The following MT1M variants were observed in gnomAD, a reference collection of about 807,000 sequenced individuals.
The protein encoded by MT1M is metallothionein 1M.
Under a neutral mutation model 8.5 loss-of-function variants are expected in MT1M, and 11 were observed. That is an observed-to-expected ratio of 1.29 (90% CI 0.81 to 2.14). The LOEUF (loss-of-function observed/expected upper bound fraction) is 2.14. Ranked by LOEUF, MT1M falls within the 30% of genes most tolerant of loss-of-function variation. MT1M has a pLI of 0.00. For missense variants in MT1M, 84 were observed against 76.6 expected (o/e 1.10, Z -0.36); for synonymous variants, 28 against 30.0 (o/e 0.93, Z 0.22).
Position 56,633,415 on chromosome 16 carries a change from G to A in MT1M, c.94+10G>A. The stretch of plus-strand genomic sequence containing the variant: ...ACCTCCTGCAAGAAGAGTGAGTGCG[G>A]GGCCATCTCCAGGAATCTGGGGCTG... On this transcript the variant is annotated intron_variant, in intron 2 of 2. Coordinates refer to ENST00000379818, the MANE Select transcript of MT1M (RefSeq NM_176870.3). 3.7e-6 allele frequency: 6 copies of A among 1,614,258 alleles called. No individual in the cohort carries two copies. In the Middle Eastern group the frequency reaches 8.3e-4, roughly 222 times the overall value.
At position 56,633,720 on chromosome 16, in the gene MT1M, A is replaced by T. The variant is rs764990172; in HGVS notation, c.95-31A>T. 1.5e-5 allele frequency: 25 copies of T among 1,613,148 alleles called. No homozygotes were observed. The East Asian group carries it at 4.7e-4, about 30-fold the overall frequency. Reference sequence around the variant, plus strand: ...GGCAGGGCGGTGCCCGGTCAAGTCTACTGCTACCTCTCTCTCCCCTTCTTC... The same window carrying T: ...GGCAGGGCGGTGCCCGGTCAAGTCTTCTGCTACCTCTCTCTCCCCTTCTTC... On this transcript the variant is annotated intron_variant, in intron 2 of 2. Transcript: ENST00000379818.
rs149021330 is a variant in MT1M at position 56,633,362 on chromosome 16, C to T, written c.51C>T (p.Gly17=). 1 of 1,614,218 alleles carries T rather than the reference C, an allele frequency of 6.2e-7. No individual in the cohort carries two copies. Among genetic ancestry groups the T allele is most frequent in the East Asian group, 2.2e-5 (1 of 44,876 alleles). ...CTTGVSCACT[G]SCTCKECKCT... is the part of the protein sequence containing the mutation. ...CAGGTGTCTCCTGCGCCTGCACCGG[C>T]TCCTGCACGTGCAAAGAGTGCAAAT... Residue 17 remains glycine (G), a synonymous_variant, in exon 2 of 3, where the codon GGC becomes GGT. Transcript: ENST00000379818.
chr16:56,633,046 G>C (rs1960309745), intron 1 of MT1M, among the ~76,000 whole-genome samples: 1 of 152,224 alleles, frequency 6.6e-6, no homozygotes, highest in Non-Finnish European at 1.5e-5. Context: ...TGAGCAATCA[G>C]GGTGGACTGG....
rs1479120412 is a variant in MT1M, at chr16:56,633,804, T to C, written c.148T>C (p.Cys50Arg). Residue 50 changes from cysteine (C) to arginine (R), a missense_variant, in exon 3 of 3, where the codon TGC becomes CGC. Transcript: ENST00000379818. ...TGCCAAGTGTGCCCACGGCTGTGTC[T>C]GCAAAGGGACGTTGGAGAACTGCAG... ...GCAKCAHGCV[C>R]KGTLENCSCC... The C allele has an allele frequency of 6.2e-7, 1 of 1,614,212 alleles. No homozygotes were observed.
chr16:56,632,672 G>C lies in MT1M; in HGVS notation c.-60G>C. The C allele has an allele frequency of 6.2e-7, 1 of 1,608,952 alleles. No homozygotes were observed. ...CTGTGGCGCTCCACCACGCCGTCCG[G>C]GTGGGCCTAGCAGTCGCTCCATTTA... is the stretch of plus-strand genomic sequence containing the variant. On this transcript the variant is annotated 5_prime_UTR_variant, in exon 1 of 3. Transcript: ENST00000379818.
Position 56,632,688 on chromosome 16 carries a change from G to C in MT1M, c.-44G>C. 6.2e-7 allele frequency: 1 copy of C among 1,612,208 alleles called. No individual in the cohort carries two copies. The highest frequency in any genetic ancestry group is 8.5e-7 in the Non-Finnish European group (1 of 1,179,620). On this transcript the variant is annotated 5_prime_UTR_variant, in exon 1 of 3. Transcript: ENST00000379818. Reference sequence around the variant, plus strand: ...CGCCGTCCGGGTGGGCCTAGCAGTCGCTCCATTTATCGCTTGAGATCTCCA... The same window carrying C: ...CGCCGTCCGGGTGGGCCTAGCAGTCCCTCCATTTATCGCTTGAGATCTCCA...
intron 1 of MT1M, 25 bp from the exon 2 acceptor site, chr16:56,633,315 C>T: frequency 6.2e-7 from 1 of 1,614,142 alleles, no homozygotes; most frequent in Non-Finnish European, 8.5e-7. Flanking sequence ...ACTCACTGCC[C>T]ACTGCGTTTT....
chr16:56,633,631 T>C, intron 2 of MT1M, 120 bp from the exon 3 acceptor site: 3 of 1,600,656 alleles, frequency 1.9e-6, no homozygotes, highest in Non-Finnish European at 2.6e-6. Context: ...AGAACAGAGC[T>C]GTGCCAGACG....
intron 1 of MT1M, 67 bp from the exon 2 acceptor site, chr16:56,633,273 T>A (rs1390957398): frequency 6.2e-7 from 1 of 1,608,062 alleles, no homozygotes; most frequent in Non-Finnish European, 8.5e-7. Context: ...CACTGGAGAC[T>A]CATTGACCCA....
chr16:56,632,868 T>C, intron 1 of MT1M, 109 bp downstream of exon 1: 1 of 1,393,070 alleles, frequency 7.2e-7, no homozygotes, highest in Non-Finnish European at 1.0e-6. Flanking sequence ...AGGGAATTCC[T>C]TTACTTCCTT....
rs1226380187 is a variant in MT1M at position 56,632,728 on chromosome 16, C to T, written c.-4C>T. 6.2e-7 allele frequency: 1 copy of T among 1,613,652 alleles called. No individual in the cohort carries two copies. The highest frequency in any genetic ancestry group is 1.3e-5 in the African/African-American group (1 of 75,048). On this transcript the variant is annotated 5_prime_UTR_variant, in exon 1 of 3. Coordinates refer to ENST00000379818, the MANE Select transcript of MT1M (RefSeq NM_176870.3). Reference sequence around the variant, plus strand: ...TGAGATCTCCAGCCTTACCGCGGCTCGAAATGGACCCCAACTGCTCCTGCA... The same window carrying T: ...TGAGATCTCCAGCCTTACCGCGGCTTGAAATGGACCCCAACTGCTCCTGCA...
chr16:56,633,736 C>T lies in MT1M; in HGVS notation c.95-15C>T. On this transcript the variant is annotated splice_polypyrimidine_tract_variant and intron_variant, in intron 2 of 2. Transcript: ENST00000379818. ...GTCAAGTCTACTGCTACCTCTCTCT[C>T]CCCTTCTTCCCCAGGCTGCTGCTCC... is the stretch of plus-strand genomic sequence containing the variant. 1 of 1,614,058 alleles carries T rather than the reference C, an allele frequency of 6.2e-7. No individual in the cohort carries two copies. Among genetic ancestry groups the T allele is most frequent in the Non-Finnish European group, 8.5e-7 (1 of 1,179,946 alleles).
intron 1 of MT1M, 116 bp downstream of exon 1, chr16:56,632,875 C>G: frequency 1.5e-6 from 2 of 1,336,084 alleles, no homozygotes; most frequent in Non-Finnish European, 2.1e-6. Context: ...TCCTTTACTT[C>G]CTTAGGTGCT....
chr16:56,632,775 C>A lies in MT1M; in HGVS notation c.28+16C>A. 1 of 1,613,588 alleles carries A rather than the reference C, an allele frequency of 6.2e-7. No individual in the cohort carries two copies. The highest frequency in any genetic ancestry group is 1.1e-5 in the South Asian group (1 of 90,950). Reference sequence around the variant, plus strand: ...TGCACCACTGGTAAGAGAAGCCGACCCTGCGCCCTAGGAATCCCATTTCCC... The same window carrying A: ...TGCACCACTGGTAAGAGAAGCCGACACTGCGCCCTAGGAATCCCATTTCCC... On this transcript the variant is annotated intron_variant, in intron 1 of 2. Transcript: ENST00000379818.
rs55963173 is a variant in MT1M at position 56,633,330 on chromosome 16, T to G, written c.29-10T>G. ...ACTCACTGCCCACTGCGTTTTTCTC[T>G]TCCTTGCAGGTGTCTCCTGCGCCTG... is the stretch of plus-strand genomic sequence containing the variant. On this transcript the variant is annotated splice_polypyrimidine_tract_variant and intron_variant, in intron 1 of 2. Transcript: ENST00000379818. 2.3e-5 allele frequency: 37 copies of G among 1,614,044 alleles called. No individual in the cohort carries two copies. The South Asian group carries it at 4.0e-4, about 17-fold the overall frequency.
Position 56,633,423 on chromosome 16 carries a change from T to G in MT1M, c.94+18T>G. The G allele has an allele frequency of 6.2e-7, 1 of 1,614,188 alleles. No individual in the cohort carries two copies. Among genetic ancestry groups the G allele is most frequent in the Non-Finnish European group, 8.5e-7 (1 of 1,180,038 alleles). On this transcript the variant is annotated intron_variant, in intron 2 of 2. Coordinates refer to ENST00000379818, the MANE Select transcript of MT1M (RefSeq NM_176870.3). ...CAAGAAGAGTGAGTGCGGGGCCATC[T>G]CCAGGAATCTGGGGCTGTGGCTGAG...
At chr16:56,633,648 G>T (rs578053217) in intron 2 of MT1M, 103 bp from the exon 3 acceptor site, 6 of 1,601,040 alleles carry the variant, frequency 3.7e-6, no homozygotes, top group East Asian at 4.5e-5. Flanking sequence ...GACGTAAAAA[G>T]CTTCCTCTGG....
chr16:56,632,987 A>G (rs1404937619), intron 1 of MT1M, among the ~76,000 whole-genome samples: 17 of 152,126 alleles, frequency 1.1e-4, no homozygotes, highest in African/African-American at 3.9e-4. Context: ...CACATCACCC[A>G]GTTGGTTAGG....
intron 1 of MT1M, 147 bp from the exon 2 acceptor site, chr16:56,633,193 G>C: frequency 7.5e-7 from 1 of 1,334,468 alleles, no homozygotes. Flanking sequence ...CCCAGCGTTA[G>C]TGGAGAGGAC....
Sources: gnomAD v4.1 joint callset for allele counts (sites outside exome capture counted in the v4.1 genomes callset) on GRCh38, gnomAD v4.1.1 for gene constraint, MANE v1.5 for transcripts, NCBI Gene and HGNC (gene_info 2026-07-23, HGNC 2026-07-21) for gene names.